The following BICD1 variants were observed in gnomAD, a reference collection of about 807,000 sequenced individuals.
BICD1 encodes BICD cargo adaptor 1, also known as protein bicaudal D homolog 1.
Under a neutral mutation model 92.5 loss-of-function variants are expected in BICD1, and 35 were observed. The ratio of observed to expected loss-of-function variants is 0.38; its 90% CI spans 0.29 to 0.50. The LOEUF (loss-of-function observed/expected upper bound fraction) is 0.50, where lower values mean the gene tolerates loss of function less well. Ranked by LOEUF, BICD1 falls within the 20% of genes least tolerant of loss-of-function variation. The pLI, the probability that BICD1 is intolerant of heterozygous loss-of-function variation, is 0.93. For missense variants in BICD1, 950 were observed against 1,189.8 expected, an observed-to-expected ratio of 0.80 and a Z score of 2.97; for synonymous variants, 429 against 465.1, an observed-to-expected ratio of 0.92 and a Z score of 1.00.
At chr12:32,277,556 G>C (rs141882022) in intron 2 of BICD1, among the ~76,000 whole-genome samples, 3 of 152,144 alleles carry the variant, frequency 2.0e-5, no homozygotes, top group Non-Finnish European at 2.9e-5. Context: ...GGATGGTAAA[G>C]GTGTTTTATA....
intron 1 of BICD1, among the ~76,000 whole-genome samples, chr12:32,204,275 G>T (rs534529583): frequency 6.6e-6 from 1 of 151,778 alleles, no homozygotes; most frequent in African/African-American, 2.4e-5. Flanking sequence ...GCCTGAGCCT[G>T]GGAGGTGGAG....
chr12:32,353,679 A>T (rs541634862), intron 8 of BICD1: 2 of 152,206 alleles, frequency 1.3e-5, no homozygotes, highest in East Asian at 3.9e-4. Flanking sequence ...TTTATAATTG[A>T]TCTTTTTAGT....
chr12:32,357,957 C>T (rs550965491), intron 8 of BICD1, among the ~76,000 whole-genome samples: 5 of 152,060 alleles, frequency 3.3e-5, no homozygotes, highest in Admixed American at 6.5e-5. Context: ...ACTGAAAGGG[C>T]GTGGGTGGAC....
chr12:32,166,289 C>G (rs1391560313), intron 1 of BICD1, among the ~76,000 whole-genome samples: 1 of 151,658 alleles, frequency 6.6e-6, no homozygotes, highest in Admixed American at 6.6e-5. Flanking sequence ...GCGTCTGCCA[C>G]CATGCCTGGC....
At chr12:32,198,132 G>T (rs1162489064) in intron 1 of BICD1, among the ~76,000 whole-genome samples, 2 of 151,758 alleles carry the variant, frequency 1.3e-5, no homozygotes, top group African/African-American at 4.8e-5. Context: ...TTGAACCTGG[G>T]AGGCAGAGGT....
intron 1 of BICD1, among the ~76,000 whole-genome samples, chr12:32,143,463 T>A (rs2668305): frequency 1.3e-5 from 2 of 151,826 alleles, no homozygotes; most frequent in African/African-American, 2.4e-5. Flanking sequence ...ACATTTTTTT[T>A]TGTGTGTGTG....
chr12:32,150,033 G>A (rs1294354306), intron 1 of BICD1, among the ~76,000 whole-genome samples: 1 of 152,180 alleles, frequency 6.6e-6, no homozygotes, highest in Non-Finnish European at 1.5e-5. Context: ...ATCTTACATG[G>A]CAGCAGGCAA....
chr12:32,260,098 T>C (rs149808296), intron 2 of BICD1, among the ~76,000 whole-genome samples: 3 of 136,906 alleles, frequency 2.2e-5, no homozygotes, highest in African/African-American at 7.7e-5. Flanking sequence ...CTAATTTTTG[T>C]ATTTTTAGTA....
chr12:32,189,527 C>T (rs930935702), intron 1 of BICD1, among the ~76,000 whole-genome samples: 1 of 151,958 alleles, frequency 6.6e-6, no homozygotes, highest in Non-Finnish European at 1.5e-5. Flanking sequence ...GGCAAACCAG[C>T]CAAGTATAAC....
At chr12:32,179,453 C>G (rs1191984371) in intron 1 of BICD1, among the ~76,000 whole-genome samples, 2 of 151,816 alleles carry the variant, frequency 1.3e-5, no homozygotes, top group Non-Finnish European at 2.9e-5. Flanking sequence ...AAATATTGAT[C>G]CCTTCTTAAA....
intron 1 of BICD1, among the ~76,000 whole-genome samples, chr12:32,159,223 G>A (rs942344486): frequency 2.0e-5 from 3 of 152,100 alleles, no homozygotes; most frequent in African/African-American, 7.2e-5. Context: ...GTGAGCCACC[G>A]CACCTGGCTC....
chr12:32,337,789 G>A lies in BICD1; in HGVS notation c.2543G>A (p.Arg848Gln), dbSNP rs200371393. The A allele has an allele frequency of 2.9e-5, 47 of 1,614,102 alleles. No individual in the cohort carries two copies. The highest frequency in any genetic ancestry group is 3.7e-5 in the Non-Finnish European group (44 of 1,180,020). ...CAGGGCCCACAGACACCCAACATTC[G>A]GGTCAGCAGTGGCACTCAGAGGAAA... The part of the protein sequence containing the change: ...HSQGPQTPNI[R>Q]VSSGTQRKRQ... The change falls in exon 7 of 10, where the codon CGG becomes CAG. Residue 848 changes from arginine (R) to glutamine (Q), a missense_variant. By Grantham distance (43) the Arg-to-Gln change is conservative. Coordinates refer to ENST00000652176, the MANE Select transcript of BICD1 (RefSeq NM_001714.4). This position sits in a 1 kb window ranked among gnomAD's most constrained non-coding sequence, Gnocchi z 4.7.
intron 2 of BICD1, among the ~76,000 whole-genome samples, chr12:32,236,395 A>C (rs1946074456): frequency 6.7e-6 from 1 of 149,582 alleles, no homozygotes; most frequent in Non-Finnish European, 1.5e-5. Flanking sequence ...ACTCCATCTC[A>C]AATAATAATA....
chr12:32,339,107 T>A, intron 8 of BICD1, 128 bp downstream of exon 8: 1 of 1,354,398 alleles, frequency 7.4e-7, no homozygotes, highest in Non-Finnish European at 9.4e-7. Flanking sequence ...TTCCTATAAG[T>A]CAAGTAAAAA....
intron 1 of BICD1, among the ~76,000 whole-genome samples, chr12:32,202,956 A>G (rs768291323): frequency 6.6e-6 from 1 of 152,068 alleles, no homozygotes; most frequent in Non-Finnish European, 1.5e-5. Context: ...GATGTCAGGT[A>G]CCCCTTTTTT....
chr12:32,288,223 ATTTT>A lies in BICD1; in HGVS notation c.427-5750_427-5747del, dbSNP rs34913740. Among the ~76,000 whole-genome samples, 786 of 109,492 alleles carry A rather than the reference ATTTT, an allele frequency of 7.2e-3. 12 individuals are homozygous for A. The highest frequency in any genetic ancestry group is 0.027 in the African/African-American group (741 of 27,188). The allele number at this position is 109,492 out of a possible 152,430, so 71.8% of individuals were successfully genotyped here. A position where few individuals can be genotyped will look rare whatever the true frequency, so the allele number is the denominator to read the frequency against. ...CTTACCTGTCACCTACCAAGTCCTA[ATTTT>A]TTTTTTTTTTTTTTTTTTTTCTGAG... On this transcript the variant is annotated intron_variant, in intron 2 of 9. Transcript: ENST00000652176.
At chr12:32,132,347 C>T (rs1038741027) in intron 1 of BICD1, among the ~76,000 whole-genome samples, 4 of 147,162 alleles carry the variant, frequency 2.7e-5, no homozygotes, top group South Asian at 2.2e-4. Context: ...ACCCGGGAGG[C>T]GGAGGTTGCA....
rs1326181072 is a variant in BICD1 at position 32,381,316 on chromosome 12, T to C, written c.*3689T>C. The C allele has an allele frequency of 1.3e-5, 2 of 152,150 alleles. No homozygotes were observed. The highest frequency in any genetic ancestry group is 1.3e-4 in the Admixed American group (2 of 15,266). The allele number at this position is 152,150 out of a possible 1,614,324, so 9.4% of individuals were successfully genotyped here. A position where few individuals can be genotyped will look rare whatever the true frequency, so the allele number is the denominator to read the frequency against. On this transcript the variant is annotated 3_prime_UTR_variant, in exon 10 of 10. Coordinates refer to ENST00000652176, the MANE Select transcript of BICD1 (RefSeq NM_001714.4). ...TCTAAAAAAACAATGTCCTCAGGAA[T>C]ACTTCAGAAATAGAAGGTATGCAAT...
chr12:32,252,368 A>G (rs1946590672), intron 2 of BICD1, among the ~76,000 whole-genome samples: 4 of 151,624 alleles, frequency 2.6e-5, no homozygotes, highest in East Asian at 1.9e-4. Flanking sequence ...TGTGACTTCA[A>G]TACCATCTGA....
Sources: allele counts gnomAD v4.1 joint callset (sites outside exome capture counted in the v4.1 genomes callset), GRCh38; gene constraint gnomAD v4.1.1; non-coding constraint Gnocchi (gnomAD v3.1); transcripts MANE v1.5; gene names NCBI Gene and HGNC (gene_info 2026-07-23, HGNC 2026-07-21).